Variants in FHOD3 observed in about 807,000 individuals in gnomAD.
FHOD3 encodes the protein FH1/FH2 domain-containing protein 3.
In FHOD3, 90 loss-of-function variants were observed where a neutral mutation model predicts 173.0. That is an observed-to-expected ratio of 0.52 (90% CI 0.44 to 0.62). The LOEUF is 0.62. Ranked by LOEUF, FHOD3 falls within the 20% of genes least tolerant of loss-of-function variation. The probability of loss-of-function intolerance (pLI) is 0.00; values close to 1 mark genes in which losing one functional copy is unlikely to be tolerated. For missense variants in FHOD3, 1,945 were observed against 2,034.7 expected (o/e 0.96, Z 0.85); for synonymous variants, 828 against 823.0 (o/e 1.01, Z -0.10).
chr18:36,540,552 G>C (rs756109306), intron 5 of FHOD3, among the ~76,000 whole-genome samples: 28 of 152,332 alleles, frequency 1.8e-4, no homozygotes, highest in Non-Finnish European at 3.8e-4. Flanking sequence ...ATGTGACAGT[G>C]CTGCTATATC....
intron 20 of FHOD3, among the ~76,000 whole-genome samples, chr18:36,731,279 G>C (rs879670379): frequency 6.6e-6 from 1 of 152,156 alleles, no homozygotes; most frequent in Non-Finnish European, 1.5e-5. Flanking sequence ...AGCATTTGTT[G>C]ATCTGAATGT....
At chr18:36,631,011 G>A (rs371475419) in intron 10 of FHOD3, among the ~76,000 whole-genome samples, 1 of 152,236 alleles carries the variant, frequency 6.6e-6, no homozygotes, top group East Asian at 1.9e-4. Context: ...GCAGCAGAGA[G>A]AAGATGTGGC....
intron 14 of FHOD3, among the ~76,000 whole-genome samples, chr18:36,667,913 T>G (rs970324882): frequency 6.6e-6 from 1 of 152,212 alleles, no homozygotes; most frequent in East Asian, 1.9e-4. Flanking sequence ...ACTGAAATGT[T>G]AAGTAGTGCA....
At chr18:36,590,059 C>A (rs558768516) in intron 6 of FHOD3, among the ~76,000 whole-genome samples, 1 of 152,240 alleles carries the variant, frequency 6.6e-6, no homozygotes, top group African/African-American at 2.4e-5. Context: ...TTGTTCCACT[C>A]GCCTCGTTTG....
At chr18:36,450,487 A>ATTT (rs1555710146) in intron 3 of FHOD3, among the ~76,000 whole-genome samples, 2 of 149,740 alleles carry the variant, frequency 1.3e-5, no homozygotes, top group Non-Finnish European at 1.5e-5. Flanking sequence ...TTATTTATTT[A>ATTT]ATTTTTAAAG....
In FHOD3 at chr18:36,602,708, G is replaced by A. The variant is rs778962789; in HGVS notation, c.753G>A (p.Leu251=). 1.4e-5 allele frequency: 22 copies of A among 1,614,158 alleles called. No individual in the cohort carries two copies. The highest frequency in any genetic ancestry group is 1.9e-5 in the Non-Finnish European group (22 of 1,180,012). ...VKPWSNIMEI[L]EEKDGVDTEL... Reference sequence around the variant, plus strand: ...CTTGGTCAAATATCATGGAAATCCTGGAGGAAAAAGATGGAGTTGATACGG... The same window carrying A: ...CTTGGTCAAATATCATGGAAATCCTAGAGGAAAAAGATGGAGTTGATACGG... Residue 251 remains leucine (L), a synonymous_variant, in exon 8 of 29, where the codon CTG becomes CTA. Transcript: ENST00000590592.
chr18:36,352,438 G>A (rs1381560762), intron 1 of FHOD3, among the ~76,000 whole-genome samples: 2 of 152,176 alleles, frequency 1.3e-5, no homozygotes, highest in African/African-American at 4.8e-5. Context: ...GATCTGTGTG[G>A]TAGAAATGCT....
At chr18:36,715,902 G>T (rs2040423163) in intron 18 of FHOD3, among the ~76,000 whole-genome samples, 1 of 152,228 alleles carries the variant, frequency 6.6e-6, no homozygotes, top group Non-Finnish European at 1.5e-5. Flanking sequence ...CCCAGGAGGG[G>T]CTGACACCCT....
At chr18:36,400,904 C>T (rs17673361) in intron 3 of FHOD3, among the ~76,000 whole-genome samples, 1 of 151,980 alleles carries the variant, frequency 6.6e-6, no homozygotes, top group Non-Finnish European at 1.5e-5. Context: ...CATTTGACAT[C>T]GAGGAAGGAG....
intron 27 of FHOD3, among the ~76,000 whole-genome samples, chr18:36,764,646 A>G (rs922886047): frequency 6.6e-6 from 1 of 152,110 alleles, no homozygotes; most frequent in Non-Finnish European, 1.5e-5. Flanking sequence ...CCTGACCAGA[A>G]AGGATAGCGA....
chr18:36,509,331 T>A (rs924878158), intron 4 of FHOD3, among the ~76,000 whole-genome samples: 1 of 148,662 alleles, frequency 6.7e-6, no homozygotes, highest in African/African-American at 2.5e-5. Flanking sequence ...GGAGGCTGAG[T>A]CAGGAGAATG....
chr18:36,378,707 G>A (rs375303599), intron 3 of FHOD3, among the ~76,000 whole-genome samples: 1 of 151,656 alleles, frequency 6.6e-6, no homozygotes, highest in Non-Finnish European at 1.5e-5. Flanking sequence ...TTGAGACAAA[G>A]TTTTGCTCTT....
intron 14 of FHOD3, among the ~76,000 whole-genome samples, chr18:36,665,300 G>A (rs997233968): frequency 6.6e-6 from 1 of 152,186 alleles, no homozygotes; most frequent in East Asian, 1.9e-4. Context: ...AGTACTTATT[G>A]AGTGTATCGA....
At chr18:36,511,902 T>C (rs934568345) in intron 4 of FHOD3, among the ~76,000 whole-genome samples, 2 of 152,232 alleles carry the variant, frequency 1.3e-5, no homozygotes, top group African/African-American at 4.8e-5. Context: ...CCTGCTTCCA[T>C]GCTTGTCCTA....
chr18:36,555,958 G>A (rs1402218594), intron 5 of FHOD3, among the ~76,000 whole-genome samples: 1 of 151,766 alleles, frequency 6.6e-6, no homozygotes, highest in African/African-American at 2.4e-5. Flanking sequence ...ATTTCTGTAG[G>A]ACTCATGTAA....
At chr18:36,388,823 C>T (rs2048155990) in intron 3 of FHOD3, among the ~76,000 whole-genome samples, 1 of 152,174 alleles carries the variant, frequency 6.6e-6, no homozygotes, top group Non-Finnish European at 1.5e-5. Flanking sequence ...CTGTTAAGTT[C>T]ATATTTTTGT....
intron 23 of FHOD3, 31 bp downstream of exon 23, chr18:36,744,224 G>T: frequency 6.3e-7 from 1 of 1,590,744 alleles, no homozygotes; most frequent in East Asian, 2.2e-5. Context: ...GAGTGGGCCT[G>T]GTCTCGCTGC....
intron 5 of FHOD3, chr18:36,544,814 A>G (rs1166388229): frequency 6.6e-6 from 1 of 152,184 alleles, no homozygotes; most frequent in East Asian, 1.9e-4. Context: ...GAACAGAGCA[A>G]TGGGTACTTT....
At chr18:36,696,495 T>G (rs996194987) in intron 17 of FHOD3, among the ~76,000 whole-genome samples, 1 of 152,214 alleles carries the variant, frequency 6.6e-6, no homozygotes, top group Non-Finnish European at 1.5e-5. Context: ...TAAAAACTCC[T>G]TTTCCTTTTG....
Sources: gnomAD v4.1 joint callset for allele counts (sites outside exome capture counted in the v4.1 genomes callset) on GRCh38, gnomAD v4.1.1 for gene constraint, MANE v1.5 for transcripts, NCBI Gene and HGNC (gene_info 2026-07-23, HGNC 2026-07-21) for gene names.